The following RYR2 variants were observed in gnomAD, a reference collection of about 807,000 sequenced individuals.
RYR2 encodes the protein cardiac muscle ryanodine receptor-calcium release channel.
A neutral mutation model predicts 601.1 loss-of-function variants in RYR2; 227 were observed. The ratio of observed to expected loss-of-function variants is 0.38; its 90% CI spans 0.34 to 0.42. The LOEUF (loss-of-function observed/expected upper bound fraction) is 0.42. Ranked by LOEUF, RYR2 falls within the 10% of genes least tolerant of loss-of-function variation. The probability of loss-of-function intolerance (pLI) is 1.00; values close to 1 mark genes in which losing one functional copy is unlikely to be tolerated. For synonymous variants in RYR2, 2,223 were observed against 2,175.1 expected, an observed-to-expected ratio of 1.02 and a Z score of -0.61; for missense variants, 4,646 against 6,156.5, an observed-to-expected ratio of 0.75 and a Z score of 8.21.
At chr1:237,421,660 T>C (rs1572246955) in intron 11 of RYR2, among the ~76,000 whole-genome samples, 1 of 152,200 alleles carries the variant, frequency 6.6e-6, no homozygotes, top group African/African-American at 2.4e-5. Flanking sequence ...CAAACATTTT[T>C]AATAAGTCTG....
rs147165250 is a variant in RYR2, at chr1:237,118,530, A to G, written c.48+75961A>G. ...ATAGTCTATAGTCAAGTGCACAGAG[A>G]CAACGGTAGAATGGTGGTCACCAGG... is the stretch of plus-strand genomic sequence containing the variant. On this transcript the variant is annotated intron_variant, in intron 1 of 104. Transcript: ENST00000366574. Among the ~76,000 whole-genome samples, 17 of 152,132 alleles carry G rather than the reference A, an allele frequency of 1.1e-4. No individual in the cohort carries two copies. The East Asian group carries it at 3.3e-3, about 29-fold the overall frequency.
At chr1:237,399,001 C>G (rs977487384) in intron 10 of RYR2, among the ~76,000 whole-genome samples, 2 of 152,012 alleles carry the variant, frequency 1.3e-5, no homozygotes, top group East Asian at 3.9e-4. Flanking sequence ...CAAGACCAGC[C>G]CAACCAACAT....
Position 237,709,555 on chromosome 1 carries a change from G to A in RYR2, c.10218G>A (p.Trp3406Ter). ...TGGTGGCTGAAGTGTTTATCTACTG[G>A]TCGAAGTCCCATGTGAGTGTGAAAA... ...FRMVAEVFIY[W>*]SKSHNFKREE... Residue 3406 changes from tryptophan to a stop codon, truncating the protein, a stop_gained, in exon 70 of 105, where the codon TGG becomes TGA. Transcript: ENST00000366574. LOFTEE classifies it high-confidence loss of function. 1 of 1,606,686 alleles carries A rather than the reference G, an allele frequency of 6.2e-7. No homozygotes were observed. The highest frequency in any genetic ancestry group is 8.5e-7 in the Non-Finnish European group (1 of 1,175,600).
intron 38 of RYR2, among the ~76,000 whole-genome samples, chr1:237,621,963 G>C (rs1679120679): frequency 6.6e-6 from 1 of 152,142 alleles, no homozygotes; most frequent in South Asian, 2.1e-4. Flanking sequence ...CCTCTATTTT[G>C]ACTGCACTAA....
chr1:237,767,121 T>C (rs931822180), intron 84 of RYR2, among the ~76,000 whole-genome samples: 1 of 152,158 alleles, frequency 6.6e-6, no homozygotes, highest in Non-Finnish European at 1.5e-5. Context: ...CATCTCTATA[T>C]CAACATGATG....
intron 1 of RYR2, among the ~76,000 whole-genome samples, chr1:237,206,845 A>G (rs930588150): frequency 6.6e-6 from 1 of 152,216 alleles, no homozygotes; most frequent in Non-Finnish European, 1.5e-5. Context: ...CATTGAAAAG[A>G]CTACTGATAA....
chr1:237,564,498 G>C (rs1173245344), intron 27 of RYR2, among the ~76,000 whole-genome samples: 5 of 151,974 alleles, frequency 3.3e-5, no homozygotes, highest in Non-Finnish European at 5.9e-5. Flanking sequence ...TCGAATTCCT[G>C]ACCTCAAGTG....
intron 1 of RYR2, among the ~76,000 whole-genome samples, chr1:237,109,282 T>A (rs1194349408): frequency 2.0e-5 from 3 of 151,974 alleles, no homozygotes; most frequent in Non-Finnish European, 4.4e-5. Context: ...GGAAGTCCCA[T>A]GAATGCTTCC....
At chr1:237,300,762 C>A (rs1276825212) in intron 2 of RYR2, among the ~76,000 whole-genome samples, 1 of 152,144 alleles carries the variant, frequency 6.6e-6, no homozygotes, top group African/African-American at 2.4e-5. Context: ...TACCGGTGAC[C>A]TTTCCACATT....
chr1:237,333,831 C>T (rs543549710), intron 3 of RYR2, among the ~76,000 whole-genome samples: 17 of 152,216 alleles, frequency 1.1e-4, no homozygotes, highest in African/African-American at 4.1e-4. Context: ...GCCACTTTTC[C>T]TAGGATGAAG....
At chr1:237,295,975 T>C (rs955866193) in intron 2 of RYR2, among the ~76,000 whole-genome samples, 3 of 152,188 alleles carry the variant, frequency 2.0e-5, no homozygotes, top group African/African-American at 4.8e-5. Flanking sequence ...ATGCATGTCA[T>C]GGAGATAATT....
chr1:237,777,206 T>G (rs1039311630), intron 87 of RYR2, among the ~76,000 whole-genome samples: 5 of 152,132 alleles, frequency 3.3e-5, no homozygotes, highest in African/African-American at 1.2e-4. Flanking sequence ...CTTTTCAATT[T>G]CAACCCCTTT....
intron 3 of RYR2, among the ~76,000 whole-genome samples, chr1:237,346,732 A>G (rs988813207): frequency 9.9e-5 from 15 of 152,160 alleles, no homozygotes; most frequent in African/African-American, 3.4e-4. Context: ...CACTGGCCTT[A>G]CTTTTGTGCT....
At chr1:237,565,626 A>T (rs1175231223) in intron 27 of RYR2, among the ~76,000 whole-genome samples, 1 of 152,176 alleles carries the variant, frequency 6.6e-6, no homozygotes, top group Non-Finnish European at 1.5e-5. Context: ...CTATAACATG[A>T]AGCAGCTCCC....
chr1:237,193,248 G>T (rs1479873748), intron 1 of RYR2, among the ~76,000 whole-genome samples: 2 of 151,712 alleles, frequency 1.3e-5, no homozygotes, highest in Non-Finnish European at 2.9e-5. Context: ...GGTGGATCAC[G>T]AGGTCAGGAG....
chr1:237,403,871 G>C (rs970692585), intron 10 of RYR2, among the ~76,000 whole-genome samples: 1 of 152,150 alleles, frequency 6.6e-6, no homozygotes, highest in African/African-American at 2.4e-5. Flanking sequence ...GCCACAGAAA[G>C]ATAAATACGA....
At chr1:237,067,302 G>A (rs2385611) in intron 1 of RYR2, among the ~76,000 whole-genome samples, 117,561 of 152,048 alleles carry the variant, frequency 0.77, 46,014 homozygotes, top group East Asian at 0.99. Flanking sequence ...TCGATGATCT[G>A]ATTTTGAGTT....
At chr1:237,317,053 T>A (rs1271243051) in intron 2 of RYR2, among the ~76,000 whole-genome samples, 1 of 152,206 alleles carries the variant, frequency 6.6e-6, no homozygotes, top group Admixed American at 6.6e-5. Flanking sequence ...CACAAAAGGC[T>A]GATGATTGTG....
At position 237,224,303 on chromosome 1, in the gene RYR2, T is replaced by A. The variant is rs572559770; in HGVS notation, c.49-46194T>A. Among the ~76,000 whole-genome samples, 7 of 152,228 alleles carry A rather than the reference T, an allele frequency of 4.6e-5. 1 individual carries two copies. In the East Asian group the frequency reaches 7.7e-4, roughly 17 times the overall value. ...AAATATATGTAGATCTTAGTCTATT[T>A]ATGTGTTAATCAACTGTTTATGTTA... is the stretch of plus-strand genomic sequence containing the variant. On this transcript the variant is annotated intron_variant, in intron 1 of 104. Coordinates refer to ENST00000366574, the MANE Select transcript of RYR2 (RefSeq NM_001035.3).
Sources: gnomAD v4.1 joint callset for allele counts (sites outside exome capture counted in the v4.1 genomes callset) on GRCh38, gnomAD v4.1.1 for gene constraint, MANE v1.5 for transcripts, NCBI Gene and HGNC (gene_info 2026-07-23, HGNC 2026-07-21) for gene names.